The following PRELID2 variants were observed in gnomAD, a reference collection of about 807,000 sequenced individuals.
PRELID2 encodes PRELI domain-containing protein 2.
A neutral mutation model predicts 28.4 loss-of-function variants in PRELID2; 25 were observed. That is an observed-to-expected ratio of 0.88 (90% confidence interval 0.64 to 1.23). The LOEUF is 1.23. Ranked by LOEUF, PRELID2 falls within the 50% of genes most tolerant of loss-of-function variation. The pLI, the probability that PRELID2 is intolerant of heterozygous loss-of-function variation, is 0.00. For synonymous variants in PRELID2, 76 were observed against 71.6 expected (o/e 1.06, Z -0.31); for missense variants, 201 against 214.4 (o/e 0.94, Z 0.39).
At chr5:145,317,253 AG>A in the PRELID2 span, among the ~76,000 whole-genome samples, 1 of 152,234 alleles carries the variant, frequency 6.6e-6, no homozygotes. Context: ...CCACGGAACC[AG>A]GGGTTACTCT....
chr5:145,602,674 T>A (rs1753414086), intron 1 of PRELID2, among the ~76,000 whole-genome samples: 1 of 152,092 alleles, frequency 6.6e-6, no homozygotes, highest in Non-Finnish European at 1.5e-5. Context: ...TTTATACATA[T>A]AAATTTATAT....
chr5:145,288,061 T>C, the PRELID2 span, among the ~76,000 whole-genome samples: 1,654 of 152,278 alleles, frequency 0.011, 34 homozygotes, highest in African/African-American at 0.038. Context: ...GAGTATATGC[T>C]GTTAACATGA....
At chr5:145,639,570 A>G (rs1277617625) in intron 1 of PRELID2, among the ~76,000 whole-genome samples, 1 of 152,206 alleles carries the variant, frequency 6.6e-6, no homozygotes, top group East Asian at 1.9e-4. Context: ...GAGCTTACAA[A>G]CATAGTACCT....
Position 145,660,735 on chromosome 5 carries a change from A to G in PRELID2, n.70+104196T>C, listed in dbSNP as rs535101544. On this transcript the variant is annotated intron_variant and non_coding_transcript_variant, in intron 1 of 2. Transcript: ENST00000510259. ...CCTTTGAACAACATGAATCTTCAGAAGAAATAGGAACAGGAGAAGGGAGAA... is the reference window on the plus strand; with the variant it reads ...CCTTTGAACAACATGAATCTTCAGAGGAAATAGGAACAGGAGAAGGGAGAA... 2.0e-5 allele frequency among the ~76,000 whole-genome samples: 3 copies of G among 152,358 alleles called. No homozygotes were observed. The East Asian group carries it at 5.8e-4, about 29-fold the overall frequency.
At chr5:145,316,891 G>A in the PRELID2 span, among the ~76,000 whole-genome samples, 5 of 151,994 alleles carry the variant, frequency 3.3e-5, no homozygotes, top group Admixed American at 6.6e-5. Context: ...TTTCTCCCTC[G>A]TTTACCTCAA....
the PRELID2 span, among the ~76,000 whole-genome samples, chr5:145,286,521 G>A: frequency 7.9e-5 from 12 of 151,942 alleles, no homozygotes; most frequent in African/African-American, 1.9e-4. Context: ...ATATTGAGTC[G>A]GATTGAAATT....
chr5:145,412,802 A>G, the PRELID2 span, among the ~76,000 whole-genome samples: 1 of 152,196 alleles, frequency 6.6e-6, no homozygotes, highest in African/African-American at 2.4e-5. Context: ...ATTGACACAC[A>G]GTTCTGTATG....
rs139436272 is a variant in PRELID2, at chr5:145,624,275, T to C, written n.70+140656A>G. On this transcript the variant is annotated intron_variant and non_coding_transcript_variant, in intron 1 of 2. Coordinates refer to the PRELID2 transcript ENST00000510259. Reference sequence around the variant, plus strand: ...TGGCAGTTTGATTATATAAGTATGATTGATTAAGCTATTGGCTATGGTTGA... The same window carrying C: ...TGGCAGTTTGATTATATAAGTATGACTGATTAAGCTATTGGCTATGGTTGA... Among the ~76,000 whole-genome samples, 304 of 152,302 alleles carry C rather than the reference T, an allele frequency of 2.0e-3. 1 individual carries two copies. Among genetic ancestry groups the C allele is most frequent in the African/African-American group, 6.6e-3 (273 of 41,576 alleles).
At chr5:145,319,978 A>T in the PRELID2 span, among the ~76,000 whole-genome samples, 1 of 152,224 alleles carries the variant, frequency 6.6e-6, no homozygotes, top group Admixed American at 6.5e-5. Context: ...TAATAAACTC[A>T]GTTCATCAGA....
intron 1 of PRELID2, among the ~76,000 whole-genome samples, chr5:145,473,703 G>A (rs114506075): frequency 0.015 from 2,233 of 152,182 alleles, 32 homozygotes; most frequent in African/African-American, 0.037. Context: ...TCAGTGCCAC[G>A]GGAAAGGAAC....
intron 1 of PRELID2, among the ~76,000 whole-genome samples, chr5:145,642,083 T>TCACCA (rs139555177): frequency 0.037 from 5,661 of 152,254 alleles, 320 homozygotes; most frequent in African/African-American, 0.13. Context: ...CCTTGAGGAA[T>TCACCA]CACCACACTG....
the PRELID2 span, among the ~76,000 whole-genome samples, chr5:145,358,245 GTCCT>G: frequency 6.6e-6 from 1 of 152,100 alleles, no homozygotes; most frequent in Non-Finnish European, 1.5e-5. Context: ...AGCAAGTGTG[GTCCT>G]TCTGACTATG....
chr5:145,513,681 G>C (rs191164797), intron 1 of PRELID2, among the ~76,000 whole-genome samples: 3 of 152,080 alleles, frequency 2.0e-5, no homozygotes, highest in Non-Finnish European at 4.4e-5. Context: ...GCAACTCCAA[G>C]ACACATAATT....
the PRELID2 span, among the ~76,000 whole-genome samples, chr5:145,463,137 A>C: frequency 0.68 from 103,123 of 151,858 alleles, 35,572 homozygotes; most frequent in Non-Finnish European, 0.71. Flanking sequence ...AGCTTTGTAT[A>C]TTTTTCAAAA....
chr5:145,441,829 T>G, the PRELID2 span, among the ~76,000 whole-genome samples: 1 of 152,146 alleles, frequency 6.6e-6, no homozygotes, highest in East Asian at 1.9e-4. Context: ...CTGCTGACTC[T>G]AAGAATCACA....
intron 1 of PRELID2, among the ~76,000 whole-genome samples, chr5:145,511,176 G>C (rs1393226220): frequency 1.3e-5 from 2 of 152,174 alleles, no homozygotes; most frequent in African/African-American, 4.8e-5. Context: ...TGTCTTCATA[G>C]GAACACAGGA....
chr5:145,676,561 A>G (rs1430977411), intron 1 of PRELID2, among the ~76,000 whole-genome samples: 2 of 152,198 alleles, frequency 1.3e-5, no homozygotes, highest in Non-Finnish European at 2.9e-5. Context: ...ACAACAACAC[A>G]ACTCATTGCT....
chr5:145,740,845 AAT>A (rs1179818388), intron 1 of PRELID2, among the ~76,000 whole-genome samples: 16 of 36,036 alleles, frequency 4.4e-4, no homozygotes, highest in African/African-American at 1.1e-3. Context: ...TTTATCGATA[AAT>A]ATATATGTAC....
At chr5:145,423,230 C>G in the PRELID2 span, among the ~76,000 whole-genome samples, 3 of 150,178 alleles carry the variant, frequency 2.0e-5, no homozygotes, top group African/African-American at 7.4e-5. Flanking sequence ...TTGCTCTTCT[C>G]GAGGAGTATC....
Sources: allele counts gnomAD v4.1 joint callset (sites outside exome capture counted in the v4.1 genomes callset), GRCh38; gene constraint gnomAD v4.1.1; transcripts MANE v1.5; gene names NCBI Gene and HGNC (gene_info 2026-07-23, HGNC 2026-07-21).